Variants in ARID1B observed in about 807,000 individuals in gnomAD.
ARID1B encodes AT-rich interactive domain-containing protein 1B.
In ARID1B, 30 loss-of-function variants were observed where a neutral mutation model predicts 212.3. That is an observed-to-expected ratio of 0.14 (90% CI 0.11 to 0.19). The LOEUF (loss-of-function observed/expected upper bound fraction) is 0.19. Among genes scored for constraint, ARID1B ranks in the 10% least tolerant of loss-of-function variants. The probability of loss-of-function intolerance (pLI) is 1.00; values close to 1 mark genes in which losing one functional copy is unlikely to be tolerated. For synonymous variants in ARID1B, 1,402 were observed against 1,301.7 expected (o/e 1.08, Z -1.66); for missense variants, 2,891 against 3,204.0 (o/e 0.90, Z 2.36).
At chr6:156,797,953 T>C (rs902480444) in intron 1 of ARID1B, among the ~76,000 whole-genome samples, 1 of 152,108 alleles carries the variant, frequency 6.6e-6, no homozygotes, top group African/African-American at 2.4e-5. Flanking sequence ...CAGGAAGACA[T>C]GCACAACTGA....
chr6:156,879,777 G>T (rs765748359), intron 2 of ARID1B, among the ~76,000 whole-genome samples: 7 of 152,032 alleles, frequency 4.6e-5, no homozygotes, highest in Non-Finnish European at 8.8e-5. Context: ...TATGACACAT[G>T]TGTATATATG....
intron 4 of ARID1B, among the ~76,000 whole-genome samples, chr6:156,950,247 C>A (rs1329907070): frequency 6.6e-6 from 1 of 152,220 alleles, no homozygotes; most frequent in African/African-American, 2.4e-5. Flanking sequence ...TGCAGCAAAT[C>A]TGCTTTAGGC....
chr6:156,915,081 A>G (rs1440001953), intron 3 of ARID1B, among the ~76,000 whole-genome samples: 1 of 152,254 alleles, frequency 6.6e-6, no homozygotes. Flanking sequence ...TTGCTGAAAC[A>G]TAGTAAAACA....
intron 8 of ARID1B, among the ~76,000 whole-genome samples, chr6:157,160,136 C>A (rs1790836427): frequency 6.6e-6 from 1 of 152,128 alleles, no homozygotes; most frequent in Admixed American, 6.5e-5. Flanking sequence ...TGGAGGAAGA[C>A]TTAGACAAGA....
At chr6:156,905,027 C>T (rs1789248123) in intron 3 of ARID1B, among the ~76,000 whole-genome samples, 1 of 152,006 alleles carries the variant, frequency 6.6e-6, no homozygotes, top group Non-Finnish European at 1.5e-5. Context: ...TGAGTGTTGT[C>T]TTGTGTATTT....
intron 4 of ARID1B, among the ~76,000 whole-genome samples, chr6:157,053,815 T>G (rs112183964): frequency 0.02 from 3,082 of 152,322 alleles, 115 homozygotes; most frequent in African/African-American, 0.07. Flanking sequence ...GGTTCACGCC[T>G]GTAATCCCAG....
At chr6:157,174,614 G>A (rs1791966841) in intron 10 of ARID1B, among the ~76,000 whole-genome samples, 1 of 150,286 alleles carries the variant, frequency 6.7e-6, no homozygotes, top group Non-Finnish European at 1.5e-5. Flanking sequence ...GTGGCGTACT[G>A]GCCTTCTCCA....
At chr6:157,204,541 G>A (rs1189420809) in intron 19 of ARID1B, 1 of 152,342 alleles carries the variant, frequency 6.6e-6, no homozygotes, top group East Asian at 1.9e-4. Context: ...AGCTAAAATA[G>A]TTATGAACTC....
intron 15 of ARID1B, chr6:157,193,325 A>C (rs1246350124): frequency 6.6e-6 from 1 of 152,216 alleles, no homozygotes; most frequent in Non-Finnish European, 1.5e-5. Flanking sequence ...TGCGAAATAG[A>C]TTCCTAGAAG....
chr6:157,153,007 A>G (rs1790315990), intron 8 of ARID1B, among the ~76,000 whole-genome samples: 1 of 152,218 alleles, frequency 6.6e-6, no homozygotes, highest in South Asian at 2.1e-4. Flanking sequence ...ATTAGATAAA[A>G]ACAGAATGCT....
chr6:156,878,666 G>A (rs1786792345), intron 2 of ARID1B, among the ~76,000 whole-genome samples: 2 of 152,212 alleles, frequency 1.3e-5, no homozygotes, highest in South Asian at 4.1e-4. Context: ...GGCCTTTCCA[G>A]CCTCTCTTTT....
chr6:156,909,236 C>T (rs183072133), intron 3 of ARID1B, among the ~76,000 whole-genome samples: 4 of 150,480 alleles, frequency 2.7e-5, no homozygotes, highest in African/African-American at 9.8e-5. Context: ...AGCAATTCTC[C>T]TGCCTCAGCC....
intron 4 of ARID1B, among the ~76,000 whole-genome samples, chr6:157,055,922 C>T (rs1039714038): frequency 6.6e-6 from 1 of 152,122 alleles, no homozygotes; most frequent in Non-Finnish European, 1.5e-5. Flanking sequence ...CCTGCAGTTC[C>T]GTGCCTGTCT....
At chr6:156,892,365 TCA>T (rs1321393630) in intron 2 of ARID1B, among the ~76,000 whole-genome samples, 49 of 152,130 alleles carry the variant, frequency 3.2e-4, no homozygotes, top group Admixed American at 2.8e-3. Flanking sequence ...ACATAAAAAC[TCA>T]CTGATAAGCA....
intron 2 of ARID1B, among the ~76,000 whole-genome samples, chr6:156,832,633 C>A (rs1484572582): frequency 6.6e-6 from 1 of 152,156 alleles, no homozygotes; most frequent in African/African-American, 2.4e-5. Context: ...GCTCAGGGGT[C>A]ACAGTTTGAT....
chr6:156,827,754 C>CTTTTTT lies in ARID1B; in HGVS notation c.1792-1449_1792-1444dup, dbSNP rs532857305. Among the ~76,000 whole-genome samples the CTTTTTT allele has an allele frequency of 5.3e-4, 36 of 68,454 alleles. 3 individuals are homozygous for CTTTTTT. Among genetic ancestry groups the CTTTTTT allele is most frequent in the Non-Finnish European group, 6.9e-4 (24 of 34,882 alleles). The allele number at this position is 68,454 out of a possible 152,430, so 44.9% of individuals were successfully genotyped here. ...GTTATTCCCCTTTATCCTGGTAATT[C>CTTTTTT]TTTTTTTTTTTTTTTTTTTTTTTTT... is the stretch of plus-strand genomic sequence containing the variant. On this transcript the variant is annotated intron_variant, in intron 1 of 19. Transcript: ENST00000636930.
intron 4 of ARID1B, among the ~76,000 whole-genome samples, chr6:156,979,255 A>G (rs1299262807): frequency 6.6e-6 from 1 of 152,244 alleles, no homozygotes; most frequent in Non-Finnish European, 1.5e-5. Context: ...ATCTAAAGTA[A>G]CTGCTGAGAT....
chr6:157,194,843 C>T (rs1429671935), intron 15 of ARID1B: 1 of 151,986 alleles, frequency 6.6e-6, no homozygotes, highest in Non-Finnish European at 1.5e-5. Context: ...AAATAGGGGC[C>T]AGGTGATGAC....
At chr6:157,132,791 A>G (rs1788638215) in intron 6 of ARID1B, among the ~76,000 whole-genome samples, 1 of 152,198 alleles carries the variant, frequency 6.6e-6, no homozygotes, top group African/African-American at 2.4e-5. Context: ...ATTGAAGTCC[A>G]CAAGCCATTG....
Sources: gnomAD v4.1 joint callset for allele counts (sites outside exome capture counted in the v4.1 genomes callset) on GRCh38, gnomAD v4.1.1 for gene constraint, MANE v1.5 for transcripts, NCBI Gene and HGNC (gene_info 2026-07-23, HGNC 2026-07-21) for gene names.